COL14A1: variants seen among roughly 807,000 people sequenced by gnomAD.
The protein encoded by COL14A1 is collagen alpha-1(XIV) chain.
A neutral mutation model predicts 230.3 loss-of-function variants in COL14A1; 136 were observed. The observed-to-expected ratio is 0.59, with a 90% CI of 0.51 to 0.68. The LOEUF is 0.68. Among genes scored for constraint, COL14A1 ranks in the 30% least tolerant of loss-of-function variants. COL14A1 has a pLI of 0.00. For missense variants in COL14A1, 1,976 were observed against 2,215.8 expected (o/e 0.89, Z 2.17); for synonymous variants, 792 against 784.1 (o/e 1.01, Z -0.17).
intron 31 of COL14A1, among the ~76,000 whole-genome samples, chr8:120,282,619 C>T (rs527862622): frequency 2.0e-5 from 3 of 152,172 alleles, no homozygotes; most frequent in South Asian, 4.1e-4. Context: ...TTCAAACGCA[C>T]GCTAAACTTG....
chr8:120,228,601 G>A, intron 17 of COL14A1, 109 bp from the exon 18 acceptor site: 1 of 771,002 alleles, frequency 1.3e-6, no homozygotes, highest in Non-Finnish European at 2.2e-6. Flanking sequence ...TGTTTGTTGT[G>A]GGAGGCAAGT....
intron 2 of COL14A1, among the ~76,000 whole-genome samples, chr8:120,156,322 A>G (rs1299561374): frequency 2.6e-5 from 4 of 152,072 alleles, no homozygotes; most frequent in Non-Finnish European, 4.4e-5. Context: ...GGCGTGTGCC[A>G]CCACACCTGG....
intron 22 of COL14A1, 108 bp downstream of exon 22, chr8:120,250,874 C>T: frequency 4.8e-6 from 6 of 1,258,430 alleles, no homozygotes; most frequent in Non-Finnish European, 6.5e-6. Flanking sequence ...CTGGTGCGAT[C>T]TGGACTCACT....
intron 3 of COL14A1, among the ~76,000 whole-genome samples, chr8:120,161,285 C>T (rs558387699): frequency 2.0e-5 from 3 of 152,300 alleles, no homozygotes; most frequent in South Asian, 4.1e-4. Flanking sequence ...TCTTCTCTTG[C>T]TGGTACTGCT....
intron 4 of COL14A1, among the ~76,000 whole-genome samples, chr8:120,167,886 T>C (rs1342244536): frequency 6.6e-6 from 1 of 152,200 alleles, no homozygotes; most frequent in Non-Finnish European, 1.5e-5. Context: ...TTATGCTGAT[T>C]TTACAGCAGT....
At chr8:120,152,272 T>C (rs1815309894) in intron 2 of COL14A1, among the ~76,000 whole-genome samples, 1 of 151,784 alleles carries the variant, frequency 6.6e-6, no homozygotes, top group African/African-American at 2.4e-5. Flanking sequence ...CCATCCTGGC[T>C]AACACGGTGA....
chr8:120,132,743 T>A (rs2130387170), intron 1 of COL14A1, among the ~76,000 whole-genome samples: 1 of 152,240 alleles, frequency 6.6e-6, no homozygotes, highest in East Asian at 1.9e-4. Flanking sequence ...GAGTTATTTT[T>A]AAACAAAGTA....
intron 11 of COL14A1, 127 bp downstream of exon 11, chr8:120,208,488 A>C: frequency 9.2e-7 from 1 of 1,089,680 alleles, no homozygotes; most frequent in East Asian, 2.5e-5. Context: ...AATTCATAGA[A>C]GACATTTGTC....
At chr8:120,206,065 T>C (rs1817420374) in intron 9 of COL14A1, among the ~76,000 whole-genome samples, 1 of 152,180 alleles carries the variant, frequency 6.6e-6, no homozygotes, top group Non-Finnish European at 1.5e-5. Context: ...TTTTTTTAAA[T>C]TTTTAGGTAT....
In COL14A1 at chr8:120,247,429, G is replaced by GAA. The variant is rs10623652; in HGVS notation, c.2480-174_2480-173dup. ...CAGAGTGAGACTCTGTCTCAAAAAAGAAAAAAAAAAATTGAAAACAACCAC... is the reference window on the plus strand; with the variant it reads ...CAGAGTGAGACTCTGTCTCAAAAAAGAAAAAAAAAAAAATTGAAAACAACCAC... On this transcript the variant is annotated intron_variant, in intron 20 of 47. Coordinates refer to ENST00000297848, the MANE Select transcript of COL14A1 (RefSeq NM_021110.4). Among the ~76,000 whole-genome samples, 16,553 of 149,542 alleles carry GAA rather than the reference G, an allele frequency of 0.11. 1,684 individuals are homozygous for GAA. Among genetic ancestry groups the GAA allele is most frequent in the East Asian group, 0.4 (2,063 of 5,094 alleles).
chr8:120,303,021 T>A (rs748354878), intron 36 of COL14A1, among the ~76,000 whole-genome samples: 23 of 152,164 alleles, frequency 1.5e-4, no homozygotes, highest in Non-Finnish European at 3.2e-4. Flanking sequence ...GATTGCATTC[T>A]TGGTTTGGCT....
Position 120,186,761 on chromosome 8 carries a change from A to G in COL14A1, c.437-10030A>G, listed in dbSNP as rs139985123. Among the ~76,000 whole-genome samples the G allele has an allele frequency of 1.8e-4, 27 of 152,334 alleles. No homozygotes were observed. In the East Asian group the frequency reaches 5.2e-3, roughly 29 times the overall value. On this transcript the variant is annotated intron_variant, in intron 5 of 47. Coordinates refer to ENST00000297848, the MANE Select transcript of COL14A1 (RefSeq NM_021110.4). ...TGCTGGAAGTGTGAACTATGTGAAC[A>G]GAGGAATTATTTTTTAACAACACAA...
intron 5 of COL14A1, among the ~76,000 whole-genome samples, chr8:120,175,374 G>A (rs960672148): frequency 3.3e-4 from 50 of 152,130 alleles, no homozygotes; most frequent in Non-Finnish European, 4.4e-4. Context: ...AGGAAAAACA[G>A]CATAGGGCTT....
chr8:120,218,124 A>G (rs9643142), intron 14 of COL14A1, among the ~76,000 whole-genome samples: 70,603 of 137,122 alleles, frequency 0.51, 18,584 homozygotes, highest in East Asian at 0.64. Context: ...ATATATCTAT[A>G]TAAAAATATA....
chr8:120,180,305 G>A (rs1371104857), intron 5 of COL14A1, among the ~76,000 whole-genome samples: 2 of 152,172 alleles, frequency 1.3e-5, no homozygotes, highest in Non-Finnish European at 2.9e-5. Flanking sequence ...CCTCATTAGA[G>A]CTAATTGAAA....
At chr8:120,209,270 G>T (rs528953373) in intron 11 of COL14A1, among the ~76,000 whole-genome samples, 1 of 152,156 alleles carries the variant, frequency 6.6e-6, no homozygotes, top group Non-Finnish European at 1.5e-5. Flanking sequence ...GTGAGGCTGA[G>T]GTGGGAGGAT....
chr8:120,278,879 C>T (rs1048817308), intron 28 of COL14A1, among the ~76,000 whole-genome samples: 5 of 152,054 alleles, frequency 3.3e-5, no homozygotes, highest in Middle Eastern at 3.4e-3. Context: ...TACAGAAACT[C>T]CTCAGCCTCT....
intron 5 of COL14A1, among the ~76,000 whole-genome samples, chr8:120,181,630 C>T (rs1018052765): frequency 6.6e-6 from 1 of 152,106 alleles, no homozygotes; most frequent in African/African-American, 2.4e-5. Context: ...TGTCTAAAGG[C>T]TTCTTATGGG....
In COL14A1 at chr8:120,243,973, G is replaced by A. The variant is rs770755426; in HGVS notation, c.2444G>A (p.Gly815Asp). 26 of 1,613,380 alleles carry A rather than the reference G, an allele frequency of 1.6e-5. 1 individual carries two copies. The South Asian group carries it at 2.9e-4, about 18-fold the overall frequency. ...ACAGTGACTCCCATCTACACGGATG[G>A]CGAAGGCGTCAGCGTCTCCGCTCCT... The part of the protein sequence containing the change: ...KVTVTPIYTD[G>D]EGVSVSAPGK... Residue 815 changes from glycine to aspartate, a missense_variant, in exon 20 of 48, where the codon GGC (glycine) becomes GAC (aspartate). Coordinates refer to ENST00000297848, the MANE Select transcript of COL14A1 (RefSeq NM_021110.4).
Sources: allele counts gnomAD v4.1 joint callset (sites outside exome capture counted in the v4.1 genomes callset), GRCh38; gene constraint gnomAD v4.1.1; transcripts MANE v1.5; gene names NCBI Gene and HGNC (gene_info 2026-07-23, HGNC 2026-07-21).